BASP1: variants seen among roughly 807,000 people sequenced by gnomAD.
BASP1 encodes brain abundant membrane attached signal protein 1, also known as brain acid soluble protein 1.
BASP1 carries 1 observed loss-of-function variant against 2.2 expected under a neutral mutation model. The ratio of observed to expected loss-of-function variants is 0.46; its 90% confidence interval spans 0.16 to 2.17. The LOEUF (loss-of-function observed/expected upper bound fraction) is 2.17, where lower values mean the gene tolerates loss of function less well. BASP1 is among the 30% of genes most tolerant of loss of function. BASP1 has a pLI of 0.27. For synonymous variants in BASP1, 187 were observed against 154.2 expected, an observed-to-expected ratio of 1.21 and a Z score of -1.58; for missense variants, 352 against 327.2, an observed-to-expected ratio of 1.08 and a Z score of -0.58.
upstream of BASP1, chr5:17,217,095 A>AGAGAGAGAGAGAGAGAGAGAGG (rs1554025522): frequency 7.6e-6 from 1 of 131,142 alleles, no homozygotes; most frequent in African/African-American, 3.1e-5. Flanking sequence ...AGAGAGAGAG[A>AGAGAGAGAGAGAGAGAGAGAGG]GTGAGTGAGA....
intron 1 of BASP1, among the ~76,000 whole-genome samples, chr5:17,229,686 T>G (rs770567210): frequency 6.6e-5 from 10 of 152,144 alleles, no homozygotes; most frequent in Non-Finnish European, 1.2e-4. Context: ...CTACTCAGGC[T>G]GCCATAACAA....
At chr5:17,248,704 T>C (rs551067443) in intron 1 of BASP1, among the ~76,000 whole-genome samples, 3 of 152,300 alleles carry the variant, frequency 2.0e-5, no homozygotes, top group African/African-American at 7.2e-5. Context: ...TTCCAGCCCG[T>C]GTTTACCATG....
chr5:17,276,000 C>CT lies in BASP1; in HGVS notation c.*100_*101insT. On this transcript the variant is annotated 3_prime_UTR_variant, in exon 2 of 2. Coordinates refer to ENST00000322611, the MANE Select transcript of BASP1 (RefSeq NM_006317.5). This position sits in a 1 kb window ranked among gnomAD's most constrained non-coding sequence, Gnocchi z 5.3. ...CTCTCTCTATCTCCTCTCTCTCTCT[C>CT]CTCTCCTATCTCTCCTCTCTCTCTC... 1 of 1,024,828 alleles carries CT rather than the reference C, an allele frequency of 9.8e-7. No individual in the cohort carries two copies. The highest frequency in any genetic ancestry group is 1.3e-6 in the Non-Finnish European group (1 of 743,114). 63.5% of individuals were successfully genotyped at this position (1,024,828 alleles called of 1,614,324 possible).
intron 1 of BASP1, among the ~76,000 whole-genome samples, chr5:17,261,604 A>T (rs1740316707): frequency 6.6e-6 from 1 of 151,974 alleles, no homozygotes. Flanking sequence ...AATTTATCTC[A>T]TTGGCTTCTC....
At chr5:17,243,798 G>A (rs1473414531) in intron 1 of BASP1, among the ~76,000 whole-genome samples, 1 of 152,028 alleles carries the variant, frequency 6.6e-6, no homozygotes, top group Non-Finnish European at 1.5e-5. Context: ...CCAGACCCTG[G>A]GTCTGTCTCC....
chr5:17,220,456 G>C (rs938124801), intron 1 of BASP1, among the ~76,000 whole-genome samples: 1 of 152,086 alleles, frequency 6.6e-6, no homozygotes, highest in Non-Finnish European at 1.5e-5. Flanking sequence ...TTTTGAGTGA[G>C]ATAATATTTA....
Position 17,232,421 on chromosome 5 carries a change from T to C in BASP1, c.-10+14611T>C, listed in dbSNP as rs146662206. Among the ~76,000 whole-genome samples the C allele has an allele frequency of 3.3e-3, 501 of 152,350 alleles. 3 individuals are homozygous for C. Among genetic ancestry groups the C allele is most frequent in the African/African-American group, 0.012 (484 of 41,582 alleles). ...CTTGAAATCTTTACACATTAGTCAA[T>C]TATAAACCTAATGAAGTAAAAACGA... On this transcript the variant is annotated intron_variant, in intron 1 of 1. Coordinates refer to ENST00000322611, the MANE Select transcript of BASP1 (RefSeq NM_006317.5).
At chr5:17,268,945 T>C (rs978357748) in intron 1 of BASP1, among the ~76,000 whole-genome samples, 3 of 152,268 alleles carry the variant, frequency 2.0e-5, no homozygotes, top group African/African-American at 7.2e-5. Flanking sequence ...TTGTTAGCTC[T>C]AAGACTCAAC....
intron 1 of BASP1, among the ~76,000 whole-genome samples, chr5:17,243,372 T>C (rs963559721): frequency 1.3e-5 from 2 of 152,196 alleles, no homozygotes; most frequent in African/African-American, 4.8e-5. Context: ...CAGGCTAGTC[T>C]CGAAGTCCTG....
At chr5:17,222,132 G>A (rs774072061) in intron 1 of BASP1, among the ~76,000 whole-genome samples, 11 of 151,940 alleles carry the variant, frequency 7.2e-5, no homozygotes, top group Non-Finnish European at 1.2e-4. Context: ...GAAGCCCGGG[G>A]GACCCCAGGA....
chr5:17,220,092 TA>T (rs1460952891), intron 1 of BASP1, among the ~76,000 whole-genome samples: 4 of 152,192 alleles, frequency 2.6e-5, no homozygotes, highest in Non-Finnish European at 5.9e-5. Context: ...AGTGGTAGGT[TA>T]TGTTTAATAG....
At position 17,218,012 on chromosome 5, in the gene BASP1, G is replaced by A. The variant is rs909568429; in HGVS notation, c.-10+202G>A. ...CTTCGGGGATCCCGGGTGATGGGGGGCCCAGAAGTGGGAGGCTTCAGCCGC... is the reference window on the plus strand; with the variant it reads ...CTTCGGGGATCCCGGGTGATGGGGGACCCAGAAGTGGGAGGCTTCAGCCGC... On this transcript the variant is annotated intron_variant, in intron 1 of 1. Coordinates refer to ENST00000322611, the MANE Select transcript of BASP1 (RefSeq NM_006317.5). Among the ~76,000 whole-genome samples the A allele has an allele frequency of 2.6e-5, 4 of 151,748 alleles. No individual in the cohort carries two copies. The East Asian group carries it at 5.9e-4, about 22-fold the overall frequency.
chr5:17,227,338 G>A (rs1293314877), intron 1 of BASP1, among the ~76,000 whole-genome samples: 1 of 151,674 alleles, frequency 6.6e-6, no homozygotes, highest in African/African-American at 2.4e-5. Flanking sequence ...TCGTGCCTCA[G>A]CCTCCCTAGT....
chr5:17,218,249 A>AG (rs1739306634), intron 1 of BASP1, among the ~76,000 whole-genome samples: 1 of 60,636 alleles, frequency 1.6e-5, no homozygotes, highest in Admixed American at 2.6e-4. Context: ...GCTCGGGGCG[A>AG]GGGGCGCAGC....
At chr5:17,257,368 G>T (rs1561173647) in intron 1 of BASP1, among the ~76,000 whole-genome samples, 1 of 152,000 alleles carries the variant, frequency 6.6e-6, no homozygotes, top group Non-Finnish European at 1.5e-5. Context: ...AATTCCTATT[G>T]TTTACCTGTG....
At chr5:17,225,878 TA>T (rs1739492989) in intron 1 of BASP1, among the ~76,000 whole-genome samples, 1 of 152,248 alleles carries the variant, frequency 6.6e-6, no homozygotes, top group African/African-American at 2.4e-5. Flanking sequence ...TTAGAGGATT[TA>T]AAAAATCTGT....
At position 17,275,065 on chromosome 5, in the gene BASP1, C is replaced by T; in HGVS notation, c.-9-143C>T. 1.5e-6 allele frequency: 1 copy of T among 671,782 alleles called. No homozygotes were observed. The highest frequency in any genetic ancestry group is 2.5e-6 in the Non-Finnish European group (1 of 392,764). The allele number at this position is 671,782 out of a possible 1,614,324, so 41.6% of individuals were successfully genotyped here. ...CATGAATAAATTGAATTTAACTGTG[C>T]CTAACTATAGTTTACCATGCCACCC... On this transcript the variant is annotated intron_variant, in intron 1 of 1. Transcript: ENST00000322611. This position sits in a 1 kb window ranked among gnomAD's most constrained non-coding sequence, Gnocchi z 5.3.
intron 1 of BASP1, among the ~76,000 whole-genome samples, chr5:17,242,200 A>G (rs1278080926): frequency 1.3e-5 from 2 of 152,202 alleles, no homozygotes; most frequent in Non-Finnish European, 2.9e-5. Flanking sequence ...TCCTGTTTTC[A>G]TTTAAATTTG....
chr5:17,240,256 C>T (rs1032550192), intron 1 of BASP1, among the ~76,000 whole-genome samples: 4 of 152,116 alleles, frequency 2.6e-5, no homozygotes, highest in African/African-American at 4.8e-5. Flanking sequence ...AGGCTCTGGC[C>T]GGGCATGGTG....
Sources: allele counts gnomAD v4.1 joint callset (sites outside exome capture counted in the v4.1 genomes callset), GRCh38; gene constraint gnomAD v4.1.1; non-coding constraint Gnocchi (gnomAD v3.1); transcripts MANE v1.5; gene names NCBI Gene and HGNC (gene_info 2026-07-23, HGNC 2026-07-21).